The following HMGB1 variants were observed in gnomAD, a reference collection of about 807,000 sequenced individuals.
HMGB1 encodes the protein high mobility group protein B1.
For missense variants in HMGB1, 79 were observed against 253.5 expected (o/e 0.31, Z 4.67); for synonymous variants, 81 against 84.0 (o/e 0.96, Z 0.19).
At chr13:30,538,748 TTTC>T (rs1283335055) in intron 1 of HMGB1, among the ~76,000 whole-genome samples, 1 of 149,072 alleles carries the variant, frequency 6.7e-6, no homozygotes, top group South Asian at 2.1e-4. Context: ...CTTTCTTCTT[TTTC>T]TTTCTTTCTC....
intron 1 of HMGB1, among the ~76,000 whole-genome samples, chr13:30,524,065 A>C (rs1888298947): frequency 6.6e-6 from 1 of 152,076 alleles, no homozygotes; most frequent in Non-Finnish European, 1.5e-5. Flanking sequence ...GGAAACCATC[A>C]TTCTCAGCAA....
At chr13:30,533,940 C>T (rs1325721278) in intron 1 of HMGB1, among the ~76,000 whole-genome samples, 1 of 150,384 alleles carries the variant, frequency 6.6e-6, no homozygotes, top group African/African-American at 2.5e-5. Flanking sequence ...TCTCGGCTCA[C>T]CGCAACCTCC....
chr13:30,460,522 G>A lies in HMGB1; in HGVS notation c.*835C>T, dbSNP rs1313909374. On this transcript the variant is annotated 3_prime_UTR_variant, in exon 5 of 5. Transcript: ENST00000341423. ...CCATTACATGGTAATGGGAGTTAAA[G>A]AATAGAGTCCTCATGTAAAGGTTAG... The A allele has an allele frequency of 2.0e-5, 3 of 152,056 alleles. No individual in the cohort carries two copies. Among genetic ancestry groups the A allele is most frequent in the South Asian group, 2.1e-4 (1 of 4,798 alleles). 9.4% of individuals were successfully genotyped at this position (152,056 alleles called of 1,614,324 possible). A position where few individuals can be genotyped will look rare whatever the true frequency, so the allele number is the denominator to read the frequency against.
chr13:30,522,758 G>T (rs940223739), intron 1 of HMGB1, among the ~76,000 whole-genome samples: 4 of 151,080 alleles, frequency 2.6e-5, no homozygotes, highest in Non-Finnish European at 5.9e-5. Flanking sequence ...TTGAGACAAG[G>T]TCTTGCTCTA....
At position 30,459,178 on chromosome 13, in the gene HMGB1, A is replaced by G. The variant is rs917413531; in HGVS notation, c.*2179T>C. 2 of 152,020 alleles carry G rather than the reference A, an allele frequency of 1.3e-5. No homozygotes were observed. Among genetic ancestry groups the G allele is most frequent in the Non-Finnish European group, 2.9e-5 (2 of 67,988 alleles). The allele number at this position is 152,020 out of a possible 1,614,324, so 9.4% of individuals were successfully genotyped here. ...TCTTCAGTTACAAGGCTTTACACTT[A>G]TCTAAATTGCCTCCCACTTCCATTT... On this transcript the variant is annotated 3_prime_UTR_variant, in exon 5 of 5. Transcript: ENST00000341423.
chr13:30,475,344 C>T (rs1451545267), intron 1 of HMGB1, among the ~76,000 whole-genome samples: 1 of 150,068 alleles, frequency 6.7e-6, no homozygotes, highest in Non-Finnish European at 1.5e-5. Context: ...GTAGCTGGGA[C>T]TACAGGTGCA....
chr13:30,486,029 A>G (rs533260004), intron 1 of HMGB1, among the ~76,000 whole-genome samples: 4 of 152,304 alleles, frequency 2.6e-5, no homozygotes, highest in Non-Finnish European at 5.9e-5. Flanking sequence ...ATTATTTAAT[A>G]TGAAAACACT....
chr13:30,540,812 G>T (rs1217284013), intron 1 of HMGB1: 1 of 152,002 alleles, frequency 6.6e-6, no homozygotes. Flanking sequence ...TCGAACTCCC[G>T]ACCTCAGGTG....
At position 30,464,429 on chromosome 13, in the gene HMGB1, T is replaced by C. The variant is rs897320750; in HGVS notation, c.-14-735A>G. On this transcript the variant is annotated intron_variant, in intron 1 of 4. Coordinates refer to ENST00000341423, the MANE Select transcript of HMGB1 (RefSeq NM_002128.7). ...CCCCCTCCCCCAACTCGGGAAGTATTTTTTGGAGCCGTGAAAGTTGGGGTG... is the reference window on the plus strand; with the variant it reads ...CCCCCTCCCCCAACTCGGGAAGTATCTTTTGGAGCCGTGAAAGTTGGGGTG... 4 of 985,104 alleles carry C rather than the reference T, an allele frequency of 4.1e-6. No individual in the cohort carries two copies. In the African/African-American group the frequency reaches 7.0e-5, roughly 17 times the overall value. 61.0% of individuals were successfully genotyped at this position (985,104 alleles called of 1,614,324 possible). A position where few individuals can be genotyped will look rare whatever the true frequency, so the allele number is the denominator to read the frequency against.
At chr13:30,501,333 C>CA (rs1343865713) in intron 1 of HMGB1, among the ~76,000 whole-genome samples, 1 of 152,152 alleles carries the variant, frequency 6.6e-6, no homozygotes, top group Non-Finnish European at 1.5e-5. Flanking sequence ...GAACCATCCT[C>CA]AACTGTGTAC....
intron 1 of HMGB1, among the ~76,000 whole-genome samples, chr13:30,538,671 T>TCTTTC (rs1868668824): frequency 1.2e-4 from 3 of 25,672 alleles, no homozygotes; most frequent in African/African-American, 4.3e-4. Context: ...TTCCTTTCTT[T>TCTTTC]CTTTCTTTCT....
At chr13:30,470,916 TG>T (rs1276846029), upstream of HMGB1, among the ~76,000 whole-genome samples, 1 of 152,164 alleles carries the variant, frequency 6.6e-6, no homozygotes, top group Non-Finnish European at 1.5e-5. Context: ...TCCAAAGTGC[TG>T]GGATTACAGG....
chr13:30,551,976 G>A (rs1385240859), intron 1 of HMGB1, among the ~76,000 whole-genome samples: 2 of 152,126 alleles, frequency 1.3e-5, no homozygotes, highest in South Asian at 2.1e-4. Flanking sequence ...TTCCAGGTGT[G>A]AGCCACTGCA....
At chr13:30,546,208 C>T (rs565233742) in intron 1 of HMGB1, among the ~76,000 whole-genome samples, 4 of 152,266 alleles carry the variant, frequency 2.6e-5, no homozygotes, top group East Asian at 3.9e-4. Flanking sequence ...CTCTGCCTCC[C>T]GGGTTCAAGC....
At chr13:30,613,321 C>G (rs1337068153) in intron 1 of HMGB1, among the ~76,000 whole-genome samples, 1 of 152,088 alleles carries the variant, frequency 6.6e-6, no homozygotes, top group East Asian at 1.9e-4. Flanking sequence ...CTGTGCCTAG[C>G]CTTACACATT....
intron 1 of HMGB1, chr13:30,464,380 C>T: frequency 1.0e-5 from 10 of 985,474 alleles, no homozygotes; most frequent in Non-Finnish European, 1.2e-5. Context: ...GGGACAAAAG[C>T]CACTCCTGCT....
intron 1 of HMGB1, among the ~76,000 whole-genome samples, chr13:30,591,785 A>AT (rs1464118809): frequency 2.6e-5 from 4 of 152,112 alleles, no homozygotes; most frequent in Admixed American, 6.5e-5. Flanking sequence ...CACAACAGGG[A>AT]TTTTTAAATG....
chr13:30,615,937 C>T (rs981427134), intron 1 of HMGB1, among the ~76,000 whole-genome samples: 1 of 152,148 alleles, frequency 6.6e-6, no homozygotes, highest in Non-Finnish European at 1.5e-5. Flanking sequence ...AATTTCTGTC[C>T]CACACTGCTG....
Position 30,459,426 on chromosome 13 carries a change from GA to G in HMGB1, c.*1930del, listed in dbSNP as rs1315575032. Reference sequence around the variant, plus strand: ...CTTGAGCCAGAATTCATTTTAAATGGATCAGAATTATTAATGTTGGTGATTA... The same window carrying G: ...CTTGAGCCAGAATTCATTTTAAATGGTCAGAATTATTAATGTTGGTGATTA... On this transcript the variant is annotated 3_prime_UTR_variant, in exon 5 of 5. Coordinates refer to ENST00000341423, the MANE Select transcript of HMGB1 (RefSeq NM_002128.7). 4.6e-5 allele frequency: 7 copies of G among 152,258 alleles called. No individual in the cohort carries two copies. The highest frequency in any genetic ancestry group is 1.7e-4 in the African/African-American group (7 of 41,558). The allele number at this position is 152,258 out of a possible 1,614,324, so 9.4% of individuals were successfully genotyped here. A position where few individuals can be genotyped will look rare whatever the true frequency, so the allele number is the denominator to read the frequency against.
Sources: gnomAD v4.1 joint callset for allele counts (sites outside exome capture counted in the v4.1 genomes callset) on GRCh38, gnomAD v4.1.1 for gene constraint, MANE v1.5 for transcripts, NCBI Gene and HGNC (gene_info 2026-07-23, HGNC 2026-07-21) for gene names.